CCDC148: variants seen among roughly 807,000 people sequenced by gnomAD.
CCDC148 encodes coiled-coil domain containing 148, also known as coiled-coil domain-containing protein 148.
In CCDC148, 89 loss-of-function variants were observed where a neutral mutation model predicts 85.7. The ratio of observed to expected loss-of-function variants is 1.04; its 90% CI spans 0.87 to 1.24. CCDC148 has a LOEUF of 1.24. CCDC148 is among the 50% of genes most tolerant of loss of function. The pLI, the probability that CCDC148 is intolerant of heterozygous loss-of-function variation, is 0.00. For synonymous variants in CCDC148, 230 were observed against 213.9 expected, an observed-to-expected ratio of 1.08 and a Z score of -0.66; for missense variants, 692 against 671.7, an observed-to-expected ratio of 1.03 and a Z score of -0.33.
At chr2:158,448,373 G>C (rs989202290) in intron 1 of CCDC148, among the ~76,000 whole-genome samples, 1 of 150,962 alleles carries the variant, frequency 6.6e-6, no homozygotes, top group African/African-American at 2.4e-5. Flanking sequence ...TTTGAGATGG[G>C]GTCTCATTCT....
Position 158,429,280 on chromosome 2 carries a change from TATA to T in CCDC148, c.25+27132_25+27134del, listed in dbSNP as rs1244135253. 1.1e-4 allele frequency among the ~76,000 whole-genome samples: 16 copies of T among 152,108 alleles called. No individual in the cohort carries two copies. In the South Asian group the frequency reaches 2.3e-3, roughly 22 times the overall value. On this transcript the variant is annotated intron_variant, in intron 1 of 13. Transcript: ENST00000283233. ...AGCACATGTACCCTATAACTTAAAG[TATA>T]ATAATAATAAAAAAATAAGTTTGAA...
At chr2:158,355,162 C>T (rs1004677283) in intron 2 of CCDC148, among the ~76,000 whole-genome samples, 1 of 151,700 alleles carries the variant, frequency 6.6e-6, no homozygotes, top group African/African-American at 2.4e-5. Flanking sequence ...CCTTTGAAAA[C>T]TGGCACAAGA....
intron 9 of CCDC148, among the ~76,000 whole-genome samples, chr2:158,272,708 G>C (rs781750429): frequency 4.6e-5 from 7 of 152,108 alleles, no homozygotes; most frequent in Non-Finnish European, 1.0e-4. Context: ...TATCTTCTTG[G>C]AGTATCCACT....
At chr2:158,182,679 A>G (rs1445315823) in intron 11 of CCDC148, among the ~76,000 whole-genome samples, 1 of 152,104 alleles carries the variant, frequency 6.6e-6, no homozygotes, top group Non-Finnish European at 1.5e-5. Context: ...GGCCATGAAA[A>G]AATTTCAGGA....
intron 9 of CCDC148, among the ~76,000 whole-genome samples, chr2:158,280,189 G>C (rs7590993): frequency 0.18 from 27,276 of 152,096 alleles, 3,108 homozygotes; most frequent in Middle Eastern, 0.25. Context: ...AATGTAAAGA[G>C]CATCGAGACT....
chr2:158,364,054 T>C (rs1684088403), intron 1 of CCDC148, among the ~76,000 whole-genome samples: 1 of 152,092 alleles, frequency 6.6e-6, no homozygotes, highest in Admixed American at 6.5e-5. Flanking sequence ...TGAACTCCCA[T>C]TCATAATTGC....
At chr2:158,261,170 C>G (rs1388196207) in intron 9 of CCDC148, among the ~76,000 whole-genome samples, 1 of 151,854 alleles carries the variant, frequency 6.6e-6, no homozygotes, top group Non-Finnish European at 1.5e-5. Context: ...CAAAAACAGG[C>G]ACATAAACCA....
intron 1 of CCDC148, among the ~76,000 whole-genome samples, chr2:158,445,719 C>G (rs1224823800): frequency 6.6e-6 from 1 of 151,900 alleles, no homozygotes; most frequent in South Asian, 2.1e-4. Context: ...GATATATTTC[C>G]AAATGTATTT....
chr2:158,399,011 A>T (rs1685653928), intron 1 of CCDC148, among the ~76,000 whole-genome samples: 1 of 152,226 alleles, frequency 6.6e-6, no homozygotes, highest in Non-Finnish European at 1.5e-5. Flanking sequence ...TACGCAAATA[A>T]ACTAGAAAAT....
chr2:158,303,770 A>G (rs1691556615), intron 9 of CCDC148, among the ~76,000 whole-genome samples: 1 of 152,152 alleles, frequency 6.6e-6, no homozygotes, highest in African/African-American at 2.4e-5. Context: ...TCATGTGACC[A>G]TACCCTTCTG....
chr2:158,435,914 CAAG>C (rs1315225603), intron 1 of CCDC148, among the ~76,000 whole-genome samples: 1 of 152,214 alleles, frequency 6.6e-6, no homozygotes, highest in Non-Finnish European at 1.5e-5. Flanking sequence ...ATCAATTCAA[CAAG>C]AAGAGCTAAC....
Position 158,425,343 on chromosome 2 carries a change from A to T in CCDC148, c.25+31072T>A. 4 of 502,588 alleles carry T rather than the reference A, an allele frequency of 8.0e-6. No homozygotes were observed. The Admixed American group carries it at 8.2e-5, about 10-fold the overall frequency. 31.1% of individuals were successfully genotyped at this position (502,588 alleles called of 1,614,324 possible). ...GGAGAAAACAGGAGATGATGCTAAA[A>T]TAACCCATCTTGCAGGATGACATTG... On this transcript the variant is annotated intron_variant, in intron 1 of 13. Transcript: ENST00000283233.
At chr2:158,217,386 A>T (rs997569906) in intron 11 of CCDC148, among the ~76,000 whole-genome samples, 1 of 91,684 alleles carries the variant, frequency 1.1e-5, no homozygotes, top group Admixed American at 1.4e-4. Context: ...ATATATATAT[A>T]TATATATACA....
intron 11 of CCDC148, among the ~76,000 whole-genome samples, chr2:158,189,251 C>T (rs1685305895): frequency 6.6e-6 from 1 of 151,734 alleles, no homozygotes; most frequent in South Asian, 2.1e-4. Context: ...CCCTGGATTC[C>T]CATTCTTGTA....
intron 2 of CCDC148, among the ~76,000 whole-genome samples, chr2:158,352,619 T>C (rs1683380784): frequency 6.6e-6 from 1 of 152,140 alleles, no homozygotes; most frequent in African/African-American, 2.4e-5. Context: ...CTGAAAGTGA[T>C]GGGAAGAATG....
At chr2:158,277,994 TGGTTCTAG>T (rs1209798570) in intron 9 of CCDC148, among the ~76,000 whole-genome samples, 2 of 152,214 alleles carry the variant, frequency 1.3e-5, no homozygotes, top group South Asian at 4.1e-4. Context: ...CTAGCACCTG[TGGTTCTAG>T]CCACTACACT....
At chr2:158,175,833 T>C (rs1284153212) in intron 13 of CCDC148, among the ~76,000 whole-genome samples, 1 of 151,968 alleles carries the variant, frequency 6.6e-6, no homozygotes, top group Non-Finnish European at 1.5e-5. Flanking sequence ...AACTACTTTC[T>C]CTCTTAATTT....
intron 10 of CCDC148, among the ~76,000 whole-genome samples, chr2:158,233,066 T>A (rs1687930294): frequency 6.6e-6 from 1 of 152,130 alleles, no homozygotes; most frequent in Non-Finnish European, 1.5e-5. Context: ...GTAATGGATA[T>A]CCCAATTACT....
chr2:158,322,973 AATT>A (rs1419848343), intron 7 of CCDC148, among the ~76,000 whole-genome samples: 1 of 152,164 alleles, frequency 6.6e-6, no homozygotes, highest in African/African-American at 2.4e-5. Flanking sequence ...AGCATCAGAC[AATT>A]ATGTCTCATC....
Sources: allele counts gnomAD v4.1 joint callset (sites outside exome capture counted in the v4.1 genomes callset), GRCh38; gene constraint gnomAD v4.1.1; transcripts MANE v1.5; gene names NCBI Gene and HGNC (gene_info 2026-07-23, HGNC 2026-07-21).